Variants in CDKAL1 observed in about 807,000 individuals in gnomAD.
The protein encoded by CDKAL1 is threonylcarbamoyladenosine tRNA methylthiotransferase.
Under a neutral mutation model 68.2 loss-of-function variants are expected in CDKAL1, and 32 were observed. The ratio of observed to expected loss-of-function variants is 0.47; its 90% CI spans 0.35 to 0.63. The LOEUF is 0.63. CDKAL1 is among the 30% of genes least tolerant of loss of function. The probability of loss-of-function intolerance (pLI) is 0.00; values close to 1 mark genes in which losing one functional copy is unlikely to be tolerated. For missense variants in CDKAL1, 606 were observed against 696.7 expected (o/e 0.87, Z 1.47); for synonymous variants, 234 against 244.3 (o/e 0.96, Z 0.39).
intron 8 of CDKAL1, among the ~76,000 whole-genome samples, chr6:20,797,461 A>C (rs1017619509): frequency 1.3e-5 from 2 of 152,266 alleles, no homozygotes; most frequent in South Asian, 4.1e-4. Context: ...TTAAACATGT[A>C]CTTATCATAT....
In CDKAL1 at chr6:20,845,963, C is replaced by G; in HGVS notation, c.639-112C>G. The G allele has an allele frequency of 6.4e-6, 4 of 623,378 alleles. No individual in the cohort carries two copies. In the South Asian group the frequency reaches 9.4e-5, roughly 15 times the overall value. 38.6% of individuals were successfully genotyped at this position (623,378 alleles called of 1,614,324 possible). A position where few individuals can be genotyped will look rare whatever the true frequency, so the allele number is the denominator to read the frequency against. Reference sequence around the variant, plus strand: ...TTGGTTTTTGAATCTCTTGTATAAACCAAGCAAATGTTTCTGAAAGAGCAC... The same window carrying G: ...TTGGTTTTTGAATCTCTTGTATAAAGCAAGCAAATGTTTCTGAAAGAGCAC... On this transcript the variant is annotated intron_variant, in intron 8 of 15. Coordinates refer to ENST00000274695, the MANE Select transcript of CDKAL1 (RefSeq NM_017774.3).
At chr6:21,188,801 G>A (rs1778120534) in intron 13 of CDKAL1, among the ~76,000 whole-genome samples, 1 of 151,946 alleles carries the variant, frequency 6.6e-6, no homozygotes, top group African/African-American at 2.4e-5. Context: ...CATGTTATAT[G>A]TTCTTACCAC....
chr6:20,837,937 T>TTGTGTGTGTGTGTGTGTGTGTG (rs531904726), intron 8 of CDKAL1, among the ~76,000 whole-genome samples: 1 of 123,176 alleles, frequency 8.1e-6, no homozygotes, highest in African/African-American at 3.0e-5. Flanking sequence ...TGGGAAGAAA[T>TTGTGTGTGTGTGTGTGTGTGTG]TGTGTGTGTG....
At chr6:20,822,209 A>G (rs1316723152) in intron 8 of CDKAL1, among the ~76,000 whole-genome samples, 1 of 152,196 alleles carries the variant, frequency 6.6e-6, no homozygotes, top group Non-Finnish European at 1.5e-5. Flanking sequence ...ATTTTGCAGT[A>G]TAGATCATAA....
In CDKAL1 at chr6:20,538,734, A is replaced by G. The variant is rs1216109540; in HGVS notation, c.-6+3340A>G. On this transcript the variant is annotated intron_variant, in intron 2 of 15. Transcript: ENST00000274695. ...AGCCTCTCTCATTTAATTATTTCAT[A>G]GAAGAGTGGTGATAGAAGAAATCCT... is the stretch of plus-strand genomic sequence containing the variant. Among the ~76,000 whole-genome samples, 3 of 152,220 alleles carry G rather than the reference A, an allele frequency of 2.0e-5. No individual in the cohort carries two copies. The East Asian group carries it at 5.8e-4, about 29-fold the overall frequency.
intron 13 of CDKAL1, among the ~76,000 whole-genome samples, chr6:21,194,369 G>A (rs981082789): frequency 2.6e-5 from 4 of 152,220 alleles, no homozygotes; most frequent in African/African-American, 9.6e-5. Context: ...GGATCTGTCA[G>A]TGACGGTGAG....
chr6:20,742,544 T>G (rs1369129571), intron 6 of CDKAL1, among the ~76,000 whole-genome samples: 1 of 152,120 alleles, frequency 6.6e-6, no homozygotes, highest in Non-Finnish European at 1.5e-5. Context: ...TCATGAGTTT[T>G]TTAACCATTT....
intron 4 of CDKAL1, among the ~76,000 whole-genome samples, chr6:20,577,164 G>A (rs1764949077): frequency 6.6e-6 from 1 of 152,290 alleles, no homozygotes; most frequent in Non-Finnish European, 1.5e-5. Context: ...AGCTGTAAGT[G>A]GGGAAGGCTT....
At chr6:20,696,770 T>G (rs1771125229) in intron 5 of CDKAL1, among the ~76,000 whole-genome samples, 1 of 152,210 alleles carries the variant, frequency 6.6e-6, no homozygotes, top group Admixed American at 6.5e-5. Context: ...TTTCATTAAC[T>G]TTTTACAAGT....
intron 10 of CDKAL1, among the ~76,000 whole-genome samples, chr6:20,984,737 A>G (rs1176413452): frequency 6.6e-6 from 1 of 150,632 alleles, no homozygotes; most frequent in African/African-American, 2.4e-5. Context: ...TCTGACGTCC[A>G]ACTACAATCT....
At chr6:21,100,740 T>C (rs1269577119) in intron 12 of CDKAL1, among the ~76,000 whole-genome samples, 1 of 152,194 alleles carries the variant, frequency 6.6e-6, no homozygotes, top group Non-Finnish European at 1.5e-5. Flanking sequence ...ATTGATGTTA[T>C]AATTGATTTC....
intron 11 of CDKAL1, among the ~76,000 whole-genome samples, chr6:21,049,436 T>C (rs1770421047): frequency 6.6e-6 from 1 of 152,202 alleles, no homozygotes; most frequent in African/African-American, 2.4e-5. Flanking sequence ...CCATAGATAG[T>C]AAATACCTTC....
chr6:20,722,467 G>T, intron 5 of CDKAL1: 1 of 308,390 alleles, frequency 3.2e-6, no homozygotes, highest in Non-Finnish European at 6.1e-6. Flanking sequence ...CTTTTTGGCA[G>T]TAGCCTTTTT....
chr6:20,887,632 C>G (rs1056896730), intron 9 of CDKAL1, among the ~76,000 whole-genome samples: 13 of 80,550 alleles, frequency 1.6e-4, no homozygotes, highest in African/African-American at 4.8e-4. Context: ...AAACTGAATA[C>G]TTGTAGGCAC....
chr6:21,206,044 C>CATGTTAGCCAGG (rs1209237573), intron 15 of CDKAL1, among the ~76,000 whole-genome samples: 2 of 142,754 alleles, frequency 1.4e-5, no homozygotes, highest in Non-Finnish European at 3.1e-5. Context: ...GGGGTTTCAC[C>CATGTTAGCCAGG]ATGGTCTCTA....
intron 9 of CDKAL1, among the ~76,000 whole-genome samples, chr6:20,885,172 A>G (rs1176665017): frequency 1.3e-5 from 2 of 152,190 alleles, no homozygotes; most frequent in African/African-American, 2.4e-5. Flanking sequence ...TAGAAAAGCT[A>G]TTCCTCAAAT....
intron 9 of CDKAL1, among the ~76,000 whole-genome samples, chr6:20,949,203 C>G (rs1054295644): frequency 6.6e-6 from 1 of 152,178 alleles, no homozygotes; most frequent in African/African-American, 2.4e-5. Context: ...AAGTGAAAAG[C>G]TGGTTGCATT....
intron 4 of CDKAL1, among the ~76,000 whole-genome samples, chr6:20,611,455 A>G (rs1284408195): frequency 6.6e-6 from 1 of 152,110 alleles, no homozygotes; most frequent in Non-Finnish European, 1.5e-5. Context: ...TAACTCTATT[A>G]TTGGTATATG....
intron 4 of CDKAL1, among the ~76,000 whole-genome samples, chr6:20,580,141 T>A (rs1268088694): frequency 6.6e-6 from 1 of 152,178 alleles, no homozygotes; most frequent in African/African-American, 2.4e-5. Flanking sequence ...ATTGGAAGTA[T>A]TTTATTACCA....
Sources: allele counts gnomAD v4.1 joint callset (sites outside exome capture counted in the v4.1 genomes callset), GRCh38; gene constraint gnomAD v4.1.1; transcripts MANE v1.5; gene names NCBI Gene and HGNC (gene_info 2026-07-23, HGNC 2026-07-21).